The following PCDH11Y variants were observed in gnomAD, a reference collection of about 807,000 sequenced individuals.
PCDH11Y encodes the protein protocadherin-11 Y-linked.
For missense variants in PCDH11Y, 12 were observed against 224.8 expected, an observed-to-expected ratio of 0.05 and a Z score of 6.05; for synonymous variants, 9 against 83.6, an observed-to-expected ratio of 0.11 and a Z score of 4.87.
intron 4 of PCDH11Y, among the ~76,000 whole-genome samples, chrY:5,622,905 G>A: frequency 3.0e-5 from 1 of 32,894 alleles, no homozygotes; most frequent in Non-Finnish European, 7.5e-5. Flanking sequence ...GCACCTGTAG[G>A]GTTGGGGAAG....
intron 4 of PCDH11Y, among the ~76,000 whole-genome samples, chrY:5,595,511 T>G (rs2124698949): frequency 6.4e-5 from 2 of 31,389 alleles, no homozygotes; most frequent in South Asian, 1.5e-3. Flanking sequence ...CATTTTGTTT[T>G]TATTTCAAAT....
At chrY:5,615,871 A>G (rs2053493307) in intron 4 of PCDH11Y, among the ~76,000 whole-genome samples, 1 of 33,823 alleles carries the variant, frequency 3.0e-5, no homozygotes, top group African/African-American at 1.2e-4. Context: ...GTAGAAACCA[A>G]AGTAATTCCA....
At chrY:5,558,434 T>A (rs2053425531) in intron 3 of PCDH11Y, among the ~76,000 whole-genome samples, 1 of 24,717 alleles carries the variant, frequency 4.0e-5, no homozygotes, top group Non-Finnish European at 9.3e-5. Context: ...GATTTCAACT[T>A]CTTCCCGATT....
intron 2 of PCDH11Y, among the ~76,000 whole-genome samples, chrY:5,460,980 G>A: frequency 3.0e-5 from 1 of 32,830 alleles, no homozygotes; most frequent in South Asian, 6.6e-4. Flanking sequence ...CCTCAAAGAA[G>A]ATGTCTTGTA....
chrY:5,203,519 C>T (rs2052928957), intron 2 of PCDH11Y, among the ~76,000 whole-genome samples: 1 of 31,734 alleles, frequency 3.2e-5, no homozygotes, highest in African/African-American at 1.2e-4. Flanking sequence ...GAGCCTTCCA[C>T]AAGGGCATTT....
chrY:5,572,193 T>A, intron 3 of PCDH11Y, among the ~76,000 whole-genome samples: 1 of 31,759 alleles, frequency 3.1e-5, no homozygotes, highest in Non-Finnish European at 7.7e-5. Context: ...GAATTTCATT[T>A]TCTTTATGGC....
chrY:5,504,283 C>T (rs2053356945), intron 3 of PCDH11Y, among the ~76,000 whole-genome samples: 1 of 32,447 alleles, frequency 3.1e-5, no homozygotes, highest in African/African-American at 1.2e-4. Flanking sequence ...AGAAAACAAA[C>T]TCAAGCCAAT....
chrY:5,566,952 A>G (rs2053435760), intron 3 of PCDH11Y, among the ~76,000 whole-genome samples: 1 of 32,513 alleles, frequency 3.1e-5, no homozygotes, highest in African/African-American at 1.2e-4. Flanking sequence ...AAATTCTGTC[A>G]GTTGTCTTTC....
intron 2 of PCDH11Y, among the ~76,000 whole-genome samples, chrY:5,437,758 T>C (rs2053276760): frequency 3.0e-5 from 1 of 33,622 alleles, no homozygotes; most frequent in African/African-American, 1.2e-4. Flanking sequence ...TACATATTTA[T>C]ACATGTGCCA....
rs372443158 is a variant in PCDH11Y at position 5,214,264 on chromosome Y, G to A, written c.3129+113557G>A. Among the ~76,000 whole-genome samples the A allele has an allele frequency of 8.9e-5, 3 of 33,624 alleles. No homozygotes were observed. In the South Asian group the frequency reaches 2.0e-3, roughly 22 times the overall value. The allele number at this position is 33,624 out of a possible 37,273, so 90.2% of individuals were successfully genotyped here. ...ATGGTTGTATATCTAATCAATTTAC[G>A]AAATTTTGATTTCAAATGCATATTA... On this transcript the variant is annotated intron_variant, in intron 2 of 4. Transcript: ENST00000400457.
At chrY:5,329,528 C>T in intron 2 of PCDH11Y, among the ~76,000 whole-genome samples, 8 of 32,501 alleles carry the variant, frequency 2.5e-4, no homozygotes, top group African/African-American at 4.9e-4. Flanking sequence ...AGGGACTTGC[C>T]GCCAAGGGTG....
At chrY:5,233,300 T>G in intron 2 of PCDH11Y, among the ~76,000 whole-genome samples, 1 of 32,394 alleles carries the variant, frequency 3.1e-5, no homozygotes, top group Non-Finnish European at 7.5e-5. Context: ...ATTAATATGT[T>G]AATTTTTCTT....
chrY:5,242,998 C>G, intron 2 of PCDH11Y, among the ~76,000 whole-genome samples: 1 of 33,231 alleles, frequency 3.0e-5, no homozygotes. Context: ...TGTGTAGAGT[C>G]AAAAATGCCA....
At chrY:5,268,097 A>T (rs2124659122) in intron 2 of PCDH11Y, among the ~76,000 whole-genome samples, 2 of 34,120 alleles carry the variant, frequency 5.9e-5, no homozygotes, top group Admixed American at 2.6e-4. Context: ...GTACTAAATG[A>T]TCTTTGCCTT....
chrY:5,322,009 A>T, intron 2 of PCDH11Y, among the ~76,000 whole-genome samples: 1 of 31,171 alleles, frequency 3.2e-5, no homozygotes, highest in Non-Finnish European at 7.7e-5. Context: ...AGATGCGGGG[A>T]AATATATTTT....
intron 4 of PCDH11Y, among the ~76,000 whole-genome samples, chrY:5,705,491 A>C: frequency 3.2e-5 from 1 of 31,228 alleles, no homozygotes; most frequent in African/African-American, 1.2e-4. Context: ...AATTTAACCT[A>C]AAATACAATT....
intron 2 of PCDH11Y, among the ~76,000 whole-genome samples, chrY:5,419,734 G>A: frequency 3.2e-5 from 1 of 31,581 alleles, no homozygotes; most frequent in Non-Finnish European, 7.7e-5. Flanking sequence ...AGAGATATCT[G>A]GTGTCTCTTC....
intron 4 of PCDH11Y, among the ~76,000 whole-genome samples, chrY:5,617,408 T>C: frequency 3.0e-5 from 1 of 33,389 alleles, no homozygotes; most frequent in Non-Finnish European, 7.4e-5. Flanking sequence ...TCCTTTTCTC[T>C]CTTTTAAAGT....
chrY:5,023,488 C>T (rs2052573476), intron 1 of PCDH11Y, among the ~76,000 whole-genome samples: 1 of 34,250 alleles, frequency 2.9e-5, no homozygotes, highest in African/African-American at 1.1e-4. Context: ...CTCTTCCTGT[C>T]CTTCATAGCA....
Sources: gnomAD v4.1 joint callset for allele counts (sites outside exome capture counted in the v4.1 genomes callset) on GRCh38, gnomAD v4.1.1 for gene constraint, MANE v1.5 for transcripts, NCBI Gene and HGNC (gene_info 2026-07-23, HGNC 2026-07-21) for gene names.